The following NEXMIF variants were observed in gnomAD, a reference collection of about 807,000 sequenced individuals.
The protein encoded by NEXMIF is neurite extension and migration factor, also known as XLMR protein related to neurite extension.
Under a neutral mutation model 62.1 loss-of-function variants are expected in NEXMIF, and 8 were observed. The observed-to-expected ratio is 0.13, with a 90% CI of 0.08 to 0.23. The LOEUF (loss-of-function observed/expected upper bound fraction) is 0.23, where lower values mean the gene tolerates loss of function less well. Ranked by LOEUF, NEXMIF falls within the 10% of genes least tolerant of loss-of-function variation. The probability of loss-of-function intolerance (pLI) is 1.00; values close to 1 mark genes in which losing one functional copy is unlikely to be tolerated. For synonymous variants in NEXMIF, 404 were observed against 416.6 expected (o/e 0.97, Z 0.37); for missense variants, 976 against 1,113.3 (o/e 0.88, Z 1.75).
At chrX:74,851,582 G>A (rs116290604) in intron 1 of NEXMIF, among the ~76,000 whole-genome samples, 2,548 of 104,830 alleles carry the variant, frequency 0.024, 85 homozygotes, top group African/African-American at 0.088. Flanking sequence ...TCTTCAAAGT[G>A]CTTAAAGGAA....
rs750020659 is a variant in NEXMIF at position 74,794,423 on chromosome X, CT to C, written c.-47-48727del. 7.3e-5 allele frequency among the ~76,000 whole-genome samples: 8 copies of C among 109,823 alleles called. No individual in the cohort carries two copies. The East Asian group carries it at 2.3e-3, about 32-fold the overall frequency. On this transcript the variant is annotated intron_variant, in intron 1 of 3. Coordinates refer to ENST00000055682, the MANE Select transcript of NEXMIF (RefSeq NM_001008537.3). ...TTAAGTCTGCAGAGGTTACTGCTGT[CT>C]TTTTGTTTGTCTGTGCCCTGCCCCC...
intron 1 of NEXMIF, among the ~76,000 whole-genome samples, chrX:74,873,006 A>ATTT (rs1401982454): frequency 1.9e-5 from 2 of 107,029 alleles, no homozygotes; most frequent in Non-Finnish European, 3.9e-5. Flanking sequence ...TATTATTATT[A>ATTT]TACTTTAAGT....
intron 1 of NEXMIF, among the ~76,000 whole-genome samples, chrX:74,875,254 T>C (rs1328977187): frequency 2.7e-5 from 3 of 109,778 alleles, no homozygotes; most frequent in Admixed American, 9.6e-5. Context: ...GAGATAATCA[T>C]GTGGTTTTTG....
At chrX:74,889,780 T>A (rs2080710973) in intron 1 of NEXMIF, among the ~76,000 whole-genome samples, 1 of 111,514 alleles carries the variant, frequency 9.0e-6, no homozygotes, top group South Asian at 3.8e-4. Context: ...TGTTGTGCAC[T>A]GAGATATACA....
chrX:74,790,376 T>C (rs2080276516), intron 1 of NEXMIF, among the ~76,000 whole-genome samples: 1 of 113,648 alleles, frequency 8.8e-6, no homozygotes, highest in Non-Finnish European at 1.9e-5. Flanking sequence ...TTGGTTACTG[T>C]AGCCTTGTAG....
intron 1 of NEXMIF, among the ~76,000 whole-genome samples, chrX:74,777,671 T>G (rs764947875): frequency 9.0e-6 from 1 of 111,483 alleles, no homozygotes; most frequent in African/African-American, 3.3e-5. Flanking sequence ...AGTCTTTTTG[T>G]GCTGGTGTTT....
chrX:74,811,064 G>C lies in NEXMIF; in HGVS notation c.-47-65367C>G, dbSNP rs752753507. ...TTACTACTATCCATATTCTACAAGA[G>C]AGAAAAGTGAGGCATTTGAAAGAAG... On this transcript the variant is annotated intron_variant, in intron 1 of 3. Coordinates refer to ENST00000055682, the MANE Select transcript of NEXMIF (RefSeq NM_001008537.3). Among the ~76,000 whole-genome samples, 20 of 111,757 alleles carry C rather than the reference G, an allele frequency of 1.8e-4. No homozygotes were observed. The East Asian group carries it at 5.6e-3, about 31-fold the overall frequency.
chrX:74,903,385 C>G (rs939608426), intron 1 of NEXMIF, among the ~76,000 whole-genome samples: 3 of 98,240 alleles, frequency 3.1e-5, no homozygotes, highest in African/African-American at 1.2e-4. Flanking sequence ...CACACACACA[C>G]AGACCTGAGC....
intron 1 of NEXMIF, among the ~76,000 whole-genome samples, chrX:74,860,085 G>A (rs1223736307): frequency 1.8e-5 from 2 of 111,022 alleles, no homozygotes; most frequent in African/African-American, 3.3e-5. Flanking sequence ...CCAGTCAGAA[G>A]ATAAGGAGTG....
chrX:74,826,047 C>T (rs770969198), intron 1 of NEXMIF, among the ~76,000 whole-genome samples: 50 of 112,544 alleles, frequency 4.4e-4, no homozygotes, highest in African/African-American at 1.5e-3. Flanking sequence ...AATGGGATTG[C>T]TGGCTGGAAT....
intron 1 of NEXMIF, among the ~76,000 whole-genome samples, chrX:74,824,779 G>T (rs773300231): frequency 1.1e-4 from 12 of 109,703 alleles, no homozygotes; most frequent in Admixed American, 8.7e-4. Flanking sequence ...CTCCCCAGCA[G>T]CTGGGGCTAC....
chrX:74,866,150 C>A (rs957002139), intron 1 of NEXMIF, among the ~76,000 whole-genome samples: 3 of 111,972 alleles, frequency 2.7e-5, no homozygotes, highest in African/African-American at 9.7e-5. Flanking sequence ...GGGCTATATG[C>A]TTCCAAGCCA....
chrX:74,841,351 T>C (rs900255753), intron 1 of NEXMIF, among the ~76,000 whole-genome samples: 1 of 112,216 alleles, frequency 8.9e-6, no homozygotes, highest in Non-Finnish European at 1.9e-5. Flanking sequence ...TTGTTGAAGT[T>C]GTTTATCAGC....
chrX:74,771,318 G>A (rs1422996685), intron 1 of NEXMIF, among the ~76,000 whole-genome samples: 2 of 110,526 alleles, frequency 1.8e-5, no homozygotes, highest in African/African-American at 6.6e-5. Context: ...AGGTGGTGGT[G>A]GTGGCTAACA....
At chrX:74,864,611 T>A in intron 1 of NEXMIF, among the ~76,000 whole-genome samples, 1 of 112,393 alleles carries the variant, frequency 8.9e-6, no homozygotes. Context: ...CCTTTACTCC[T>A]CCTTTGCCTT....
chrX:74,920,440 G>C (rs1462302574), intron 1 of NEXMIF, among the ~76,000 whole-genome samples: 1 of 111,871 alleles, frequency 8.9e-6, no homozygotes, highest in African/African-American at 3.3e-5. Context: ...AGAAGTGTCT[G>C]TTCATATCCT....
At chrX:74,909,755 C>T (rs1196283836) in intron 1 of NEXMIF, among the ~76,000 whole-genome samples, 1 of 111,579 alleles carries the variant, frequency 9.0e-6, no homozygotes, top group Non-Finnish European at 1.9e-5. Context: ...GTGGGATAGG[C>T]CCAAGGTCTC....
intron 1 of NEXMIF, among the ~76,000 whole-genome samples, chrX:74,785,420 T>G (rs1359426349): frequency 9.0e-6 from 1 of 111,124 alleles, no homozygotes; most frequent in Admixed American, 9.6e-5. Flanking sequence ...GAGGTACCTT[T>G]TAGCTCTGAC....
At chrX:74,829,815 CTTTTCA>C (rs1204161419) in intron 1 of NEXMIF, among the ~76,000 whole-genome samples, 1 of 111,553 alleles carries the variant, frequency 9.0e-6, no homozygotes, top group East Asian at 2.8e-4. Context: ...TGTTGAGCAC[CTTTTCA>C]TATTCCTGTT....
Sources: gnomAD v4.1 joint callset for allele counts (sites outside exome capture counted in the v4.1 genomes callset) on GRCh38, gnomAD v4.1.1 for gene constraint, MANE v1.5 for transcripts, NCBI Gene and HGNC (gene_info 2026-07-23, HGNC 2026-07-21) for gene names.